Variants in SLC1A2 observed in about 807,000 individuals in gnomAD.
SLC1A2 encodes the protein excitatory amino acid transporter 2.
Under a neutral mutation model 48.8 loss-of-function variants are expected in SLC1A2, and 15 were observed. The observed-to-expected ratio is 0.31, with a 90% CI of 0.21 to 0.47. The LOEUF is 0.47. SLC1A2 is among the 20% of genes least tolerant of loss of function. The probability of loss-of-function intolerance (pLI) is 0.99; values close to 1 mark genes in which losing one functional copy is unlikely to be tolerated. For missense variants in SLC1A2, 502 were observed against 730.5 expected, an observed-to-expected ratio of 0.69 and a Z score of 3.61; for synonymous variants, 279 against 272.6, an observed-to-expected ratio of 1.02 and a Z score of -0.23.
intron 7 of SLC1A2, among the ~76,000 whole-genome samples, chr11:35,288,473 C>T (rs2134727475): frequency 6.6e-6 from 1 of 152,222 alleles, no homozygotes. Context: ...TCCTCTTACC[C>T]CACCCTTTCC....
chr11:35,388,292 A>T (rs1290952649), intron 1 of SLC1A2, among the ~76,000 whole-genome samples: 1 of 152,272 alleles, frequency 6.6e-6, no homozygotes, highest in Non-Finnish European at 1.5e-5. Flanking sequence ...AGGGAGGAAA[A>T]GTGAGTTTCA....
intron 5 of SLC1A2, among the ~76,000 whole-genome samples, chr11:35,305,170 G>T (rs1851466196): frequency 6.6e-6 from 1 of 152,158 alleles, no homozygotes; most frequent in Admixed American, 6.5e-5. Flanking sequence ...CCACTGAGTG[G>T]GAGGGGAGCA....
Position 35,335,056 on chromosome 11 carries a change from G to A in SLC1A2, c.18-17540C>T, listed in dbSNP as rs555767557. On this transcript the variant is annotated intron_variant, in intron 1 of 10. Transcript: ENST00000278379. ...CCCTTTTCATTACAATATGGCAGCT[G>A]AAAGAACCTGATACTTTAAGATGAG... 5.3e-4 allele frequency among the ~76,000 whole-genome samples: 80 copies of A among 152,192 alleles called. No homozygotes were observed. The South Asian group carries it at 0.016, about 30-fold the overall frequency.
intron 1 of SLC1A2, among the ~76,000 whole-genome samples, chr11:35,383,942 G>A (rs1035954910): frequency 6.6e-5 from 10 of 152,106 alleles, no homozygotes; most frequent in Non-Finnish European, 1.5e-4. Flanking sequence ...CATGCTGAAC[G>A]GATGGCAATT....
chr11:35,346,065 T>C (rs939195497), intron 1 of SLC1A2, among the ~76,000 whole-genome samples: 6 of 152,144 alleles, frequency 3.9e-5, no homozygotes, highest in Non-Finnish European at 7.3e-5. Flanking sequence ...GTTCTTTTTT[T>C]TTTTCTTTAT....
intron 1 of SLC1A2, among the ~76,000 whole-genome samples, chr11:35,336,939 T>C (rs1466394847): frequency 6.6e-6 from 1 of 152,200 alleles, no homozygotes; most frequent in Non-Finnish European, 1.5e-5. Context: ...CTGAGGTCTC[T>C]GTAGTACTTG....
chr11:35,394,955 C>A (rs1203815653), intron 1 of SLC1A2, among the ~76,000 whole-genome samples: 1 of 152,172 alleles, frequency 6.6e-6, no homozygotes, highest in Non-Finnish European at 1.5e-5. Context: ...GATCTGTATG[C>A]CCTGTGTGCT....
chr11:35,326,164 C>T (rs556531618), intron 1 of SLC1A2, among the ~76,000 whole-genome samples: 1 of 152,122 alleles, frequency 6.6e-6, no homozygotes, highest in Non-Finnish European at 1.5e-5. Context: ...GTTCACCCAA[C>T]AAGGCCTTTG....
chr11:35,347,413 G>C (rs1339645275), intron 1 of SLC1A2, among the ~76,000 whole-genome samples: 1 of 152,166 alleles, frequency 6.6e-6, no homozygotes, highest in Non-Finnish European at 1.5e-5. Context: ...ACCAGAAAAA[G>C]GATCACAAGC....
In SLC1A2 at chr11:35,413,063, T is replaced by G. The variant is rs568205024; in HGVS notation, c.17+5887A>C. 3.3e-5 allele frequency among the ~76,000 whole-genome samples: 5 copies of G among 152,312 alleles called. No individual in the cohort carries two copies. In the East Asian group the frequency reaches 9.6e-4, roughly 29 times the overall value. On this transcript the variant is annotated intron_variant, in intron 1 of 10. Coordinates refer to ENST00000278379, the MANE Select transcript of SLC1A2 (RefSeq NM_004171.4). ...AATAATTCTTCAAATCCAAAACCAC[T>G]AGGCAATGGTGTATACCAAGAGAAT... is the stretch of plus-strand genomic sequence containing the variant.
At chr11:35,282,881 T>C (rs1850686559) in intron 8 of SLC1A2, among the ~76,000 whole-genome samples, 1 of 152,014 alleles carries the variant, frequency 6.6e-6, no homozygotes, top group Non-Finnish European at 1.5e-5. Context: ...AGGCACTGTC[T>C]CTGTGTGTGG....
intron 1 of SLC1A2, among the ~76,000 whole-genome samples, chr11:35,345,220 G>T (rs1852985432): frequency 6.6e-6 from 1 of 152,144 alleles, no homozygotes; most frequent in Non-Finnish European, 1.5e-5. Context: ...CATAACTCTT[G>T]CTAAATACCA....
chr11:35,410,473 A>G (rs1030237044), intron 1 of SLC1A2, among the ~76,000 whole-genome samples: 3 of 152,186 alleles, frequency 2.0e-5, no homozygotes, highest in Admixed American at 6.5e-5. Context: ...GGATATTCTG[A>G]TCACAAGCAA....
chr11:35,412,577 C>G (rs1468423276), intron 1 of SLC1A2, among the ~76,000 whole-genome samples: 1 of 152,202 alleles, frequency 6.6e-6, no homozygotes, highest in South Asian at 2.1e-4. Context: ...AAGATTTCTT[C>G]CTCAATTCAA....
intron 1 of SLC1A2, among the ~76,000 whole-genome samples, chr11:35,366,650 TCCTATATCTC>T (rs1434091822): frequency 2.6e-5 from 4 of 152,164 alleles, no homozygotes; most frequent in South Asian, 2.1e-4. Context: ...GATTGATGTT[TCCTATATCTC>T]CCTAATAATC....
chr11:35,370,243 G>C (rs1259287990), intron 1 of SLC1A2, among the ~76,000 whole-genome samples: 4 of 152,190 alleles, frequency 2.6e-5, no homozygotes, highest in Non-Finnish European at 5.9e-5. Flanking sequence ...TGGCCTTGCT[G>C]AAGGTCAAGC....
In SLC1A2 at chr11:35,259,628, A is replaced by T. The variant is rs1029362043; in HGVS notation, c.*1266T>A. 1 of 152,226 alleles carries T rather than the reference A, an allele frequency of 6.6e-6. No homozygotes were observed. The highest frequency in any genetic ancestry group is 1.5e-5 in the Non-Finnish European group (1 of 68,044). 9.4% of individuals were successfully genotyped at this position (152,226 alleles called of 1,614,324 possible). ...CAGAGCCATCCTTTGTTGCCATGTC[A>T]TTGTTCAAGGCTGCCTGGACTCTGC... On this transcript the variant is annotated 3_prime_UTR_variant, in exon 11 of 11. Coordinates refer to ENST00000278379, the MANE Select transcript of SLC1A2 (RefSeq NM_004171.4).
At chr11:35,338,446 A>C (rs952622922) in intron 1 of SLC1A2, among the ~76,000 whole-genome samples, 4 of 152,138 alleles carry the variant, frequency 2.6e-5, no homozygotes, top group Non-Finnish European at 4.4e-5. Flanking sequence ...GGACTGGTGA[A>C]TCAGGATACT....
At chr11:35,339,720 GA>G (rs1345171524) in intron 1 of SLC1A2, among the ~76,000 whole-genome samples, 1 of 152,166 alleles carries the variant, frequency 6.6e-6, no homozygotes, top group Non-Finnish European at 1.5e-5. Context: ...ACAGAAGATT[GA>G]TAAGCACAAA....
Sources: gnomAD v4.1 joint callset for allele counts (sites outside exome capture counted in the v4.1 genomes callset) on GRCh38, gnomAD v4.1.1 for gene constraint, MANE v1.5 for transcripts, NCBI Gene and HGNC (gene_info 2026-07-23, HGNC 2026-07-21) for gene names.